PADI2: variants seen among roughly 807,000 people sequenced by gnomAD.
PADI2 encodes peptidyl arginine deiminase 2, also known as protein-arginine deiminase type-2.
PADI2 carries 70 observed loss-of-function variants against 81.1 expected under a neutral mutation model. The observed-to-expected ratio is 0.86, with a 90% CI of 0.71 to 1.05. The LOEUF (loss-of-function observed/expected upper bound fraction) is 1.05. Ranked by LOEUF, PADI2 falls within the 50% of genes least tolerant of loss-of-function variation. The pLI, the probability that PADI2 is intolerant of heterozygous loss-of-function variation, is 0.00. For synonymous variants in PADI2, 338 were observed against 358.0 expected (o/e 0.94, Z 0.63); for missense variants, 853 against 889.9 (o/e 0.96, Z 0.53).
intron 1 of PADI2, among the ~76,000 whole-genome samples, chr1:17,107,788 G>A (rs1931436094): frequency 1.3e-5 from 2 of 152,096 alleles, no homozygotes; most frequent in African/African-American, 2.4e-5. Context: ...GGAAGGACTC[G>A]GCAGCCTGTG....
rs897839052 is a variant in PADI2 at position 17,070,114 on chromosome 1, G to A, written c.1738C>T (p.Arg580Cys). Reference sequence around the variant, plus strand: ...ATGTTTGGGAAGAAGGCTCTGGCACGGTGGTCCTCGTCCATCTTGAACAGA... The same window carrying A: ...ATGTTTGGGAAGAAGGCTCTGGCACAGTGGTCCTCGTCCATCTTGAACAGA... ...PALFKMDEDH[R>C]ARAFFPNMVN... is the part of the protein sequence containing the mutation. Residue 580 changes from arginine to cysteine, a missense_variant, in exon 15 of 16, where the codon CGT becomes TGT. Physicochemically the swap from Arg to Cys is radical, Grantham distance 180. Transcript: ENST00000375486. 8 of 1,614,054 alleles carry A rather than the reference G, an allele frequency of 5.0e-6. No homozygotes were observed. The highest frequency in any genetic ancestry group is 1.7e-5 in the Admixed American group (1 of 60,014).
intron 11 of PADI2, among the ~76,000 whole-genome samples, chr1:17,077,733 C>T (rs1032994918): frequency 7.9e-5 from 12 of 152,176 alleles, no homozygotes; most frequent in African/African-American, 1.7e-4. Context: ...GTGGCCTCCC[C>T]GCAGAAGGCT....
chr1:17,114,774 A>G (rs551995741), intron 1 of PADI2, among the ~76,000 whole-genome samples: 20 of 152,280 alleles, frequency 1.3e-4, no homozygotes, highest in African/African-American at 4.3e-4. Context: ...GATGAAAGTC[A>G]GGCTTGTGGG....
rs1557762203 is a variant in PADI2 at position 17,083,757 on chromosome 1, T to C, written c.1019A>G (p.Gln340Arg). 6.2e-7 allele frequency: 1 copy of C among 1,613,706 alleles called. No homozygotes were observed. The highest frequency in any genetic ancestry group is 8.5e-7 in the Non-Finnish European group (1 of 1,179,582). ...CCAGCGATCGCCTCGGTTTAGGTACTGGAAGCAGACCTTCAGCTCACAGTT... is the reference window on the plus strand; with the variant it reads ...CCAGCGATCGCCTCGGTTTAGGTACCGGAAGCAGACCTTCAGCTCACAGTT... Reference protein sequence around the residue: ...KTNCELKVCFQYLNRGDRWIQ... With the variant: ...KTNCELKVCFRYLNRGDRWIQ... The change falls in exon 9 of 16, where the codon CAG (glutamine) becomes CGG (arginine). Residue 340 changes from glutamine (Q) to arginine (R), a missense_variant. Physicochemically the swap from Gln to Arg is conservative, Grantham distance 43. Transcript: ENST00000375486.
At chr1:17,110,905 G>C (rs1229780383) in intron 1 of PADI2, among the ~76,000 whole-genome samples, 1 of 152,042 alleles carries the variant, frequency 6.6e-6, no homozygotes, top group African/African-American at 2.4e-5. Context: ...TGGGCACACC[G>C]TAAGTATAAA....
chr1:17,076,875 C>T (rs1453454722), intron 11 of PADI2, among the ~76,000 whole-genome samples: 1 of 151,986 alleles, frequency 6.6e-6, no homozygotes, highest in African/African-American at 2.4e-5. Flanking sequence ...CCGCTCCCGG[C>T]CAGCCCTTCC....
chr1:17,118,837 C>A (rs1931845220), intron 1 of PADI2, among the ~76,000 whole-genome samples: 1 of 152,148 alleles, frequency 6.6e-6, no homozygotes, highest in African/African-American at 2.4e-5. Context: ...CAGTCCCCGG[C>A]AAGTCTCCGC....
intron 3 of PADI2, among the ~76,000 whole-genome samples, chr1:17,101,227 A>G (rs1931130399): frequency 6.6e-6 from 1 of 152,144 alleles, no homozygotes; most frequent in South Asian, 2.1e-4. Context: ...CAGCTTTGTC[A>G]TCTCCTAGTG....
At chr1:17,101,541 C>G (rs1931142570) in intron 3 of PADI2, among the ~76,000 whole-genome samples, 1 of 152,130 alleles carries the variant, frequency 6.6e-6, no homozygotes, top group South Asian at 2.1e-4. Context: ...CCACCCTCAC[C>G]AAGGTCATCC....
At chr1:17,118,148 G>A (rs770871615) in intron 1 of PADI2, among the ~76,000 whole-genome samples, 12 of 152,200 alleles carry the variant, frequency 7.9e-5, no homozygotes, top group Non-Finnish European at 1.8e-4. Context: ...TGGGTTGGTG[G>A]GGGCCTGGGA....
chr1:17,093,527 T>C, intron 5 of PADI2, 40 bp downstream of exon 5: 1 of 1,311,378 alleles, frequency 7.6e-7, no homozygotes, highest in African/African-American at 1.4e-5. Flanking sequence ...ATCTTTTCAC[T>C]CCTCTCATCC....
intron 13 of PADI2, among the ~76,000 whole-genome samples, chr1:17,074,300 G>A (rs2078285474): frequency 6.6e-6 from 1 of 151,262 alleles, no homozygotes; most frequent in Non-Finnish European, 1.5e-5. Flanking sequence ...GCTGAGGCAG[G>A]AGAATCGCTT....
chr1:17,075,796 C>T lies in PADI2; in HGVS notation c.1338G>A (p.Val446=), dbSNP rs754773107. Residue 446 remains valine, a synonymous_variant, in exon 12 of 16, where the codon GTG becomes GTA. Transcript: ENST00000375486. ...PLSGGRRMTK[V]VRDFLKAQQV... ...GCTGGGCCTTCAGGAAGTCACGCAC[C>T]ACCTTGGTCATCCTCCGACCACCAG... is the stretch of plus-strand genomic sequence containing the variant. 5 of 1,613,980 alleles carry T rather than the reference C, an allele frequency of 3.1e-6. No homozygotes were observed. Among genetic ancestry groups the T allele is most frequent in the South Asian group, 2.2e-5 (2 of 91,066 alleles).
rs1478626515 is a variant in PADI2, at chr1:17,082,793, C to G, written c.1051-141G>C. 6.7e-6 allele frequency: 4 copies of G among 600,052 alleles called. No individual in the cohort carries two copies. In the African/African-American group the frequency reaches 7.5e-5, roughly 11 times the overall value. 37.2% of individuals were successfully genotyped at this position (600,052 alleles called of 1,614,324 possible). On this transcript the variant is annotated intron_variant, in intron 9 of 15. Transcript: ENST00000375486. ...CATTCCCTGGTCCCCCATCCTCCTCCCCTCACACTGATGATGGCAGCACAG... is the reference window on the plus strand; with the variant it reads ...CATTCCCTGGTCCCCCATCCTCCTCGCCTCACACTGATGATGGCAGCACAG...
chr1:17,097,356 C>G (rs1312250698), intron 3 of PADI2, among the ~76,000 whole-genome samples: 1 of 152,182 alleles, frequency 6.6e-6, no homozygotes, highest in Non-Finnish European at 1.5e-5. Flanking sequence ...TGCCTATAGC[C>G]TGCATACCCT....
At chr1:17,097,067 G>C (rs1930963138) in intron 3 of PADI2, among the ~76,000 whole-genome samples, 1 of 152,070 alleles carries the variant, frequency 6.6e-6, no homozygotes, top group Non-Finnish European at 1.5e-5. Context: ...AGGTCGAGTA[G>C]GGATGTGGTT....
rs200384530 is a variant in PADI2 at position 17,086,594 on chromosome 1, C to T, written c.761G>A (p.Gly254Asp). ...GSAELLFFVEGLCFPDEGFSG... is the reference protein window; with the variant it reads ...GSAELLFFVEDLCFPDEGFSG... ...GAAGCCCTCGTCGGGGAAACAGAGGCCTTCCACGAAGAACAGCAGCTCCGC... is the reference window on the plus strand; with the variant it reads ...GAAGCCCTCGTCGGGGAAACAGAGGTCTTCCACGAAGAACAGCAGCTCCGC... Residue 254 changes from glycine (G) to aspartate (D), a missense_variant, in exon 7 of 16, where the codon GGC (glycine) becomes GAC (aspartate). By Grantham distance (94) the Gly-to-Asp change is moderately conservative. Transcript: ENST00000375486. The T allele has an allele frequency of 5.0e-6, 8 of 1,614,088 alleles. No homozygotes were observed. The East Asian group carries it at 1.8e-4, about 36-fold the overall frequency.
chr1:17,082,629 G>A lies in PADI2; in HGVS notation c.1074C>T (p.Ile358=), dbSNP rs551094660. The change falls in exon 10 of 16, where the codon ATC becomes ATT. Residue 358 remains isoleucine, a synonymous_variant. Transcript: ENST00000375486. ...CGGGGAAGCCTTTATGGGGGGCCTC[G>A]ATGTAGCCAAACTCAATTTCATCCT... is the stretch of plus-strand genomic sequence containing the variant. ...WIQDEIEFGY[I]EAPHKGFPVV... 4.5e-5 allele frequency: 72 copies of A among 1,607,542 alleles called. No individual in the cohort carries two copies. Among genetic ancestry groups the A allele is most frequent in the South Asian group, 4.2e-4 (38 of 90,554 alleles).
intron 1 of PADI2, among the ~76,000 whole-genome samples, chr1:17,111,868 G>A (rs965531328): frequency 2.6e-4 from 40 of 152,202 alleles, no homozygotes; most frequent in Admixed American, 2.4e-3. Flanking sequence ...TGAGGTGGGG[G>A]TTAGTCCTGC....
Sources: allele counts gnomAD v4.1 joint callset (sites outside exome capture counted in the v4.1 genomes callset), GRCh38; gene constraint gnomAD v4.1.1; transcripts MANE v1.5; gene names NCBI Gene and HGNC (gene_info 2026-07-23, HGNC 2026-07-21).